MICAL1: variants seen among roughly 807,000 people sequenced by gnomAD.
MICAL1 encodes microtubule associated monooxygenase, calponin and LIM domain containing 1.
MICAL1 carries 95 observed loss-of-function variants against 131.8 expected under a neutral mutation model. The observed-to-expected ratio is 0.72, with a 90% CI of 0.61 to 0.86. The LOEUF (loss-of-function observed/expected upper bound fraction) is 0.86. Among genes scored for constraint, MICAL1 ranks in the 40% least tolerant of loss-of-function variants. The probability of loss-of-function intolerance (pLI) is 0.00; values close to 1 mark genes in which losing one functional copy is unlikely to be tolerated. For missense variants in MICAL1, 1,292 were observed against 1,380.6 expected (o/e 0.94, Z 1.02); for synonymous variants, 546 against 554.2 (o/e 0.99, Z 0.21).
intron 3 of MICAL1, 87 bp downstream of exon 3, chr6:109,453,551 C>T (rs751418958): frequency 2.2e-5 from 34 of 1,520,206 alleles, no homozygotes; most frequent in African/African-American, 4.1e-5. Flanking sequence ...TTGTCCACTT[C>T]GACATTTGGC....
Position 109,446,774 on chromosome 6 carries a change from T to C in MICAL1, c.2228-2A>G. The stretch of plus-strand genomic sequence containing the variant: ...GGTGCTGGAGGCAGTAGAAATGTCC[T>C]GGAAAGGGTAGAGAGGGGAGGAGGC... On this transcript the variant is annotated splice_acceptor_variant, in intron 17 of 24. Transcript: ENST00000358807. LOFTEE classifies it high-confidence loss of function. 1 of 1,613,094 alleles carries C rather than the reference T, an allele frequency of 6.2e-7. No homozygotes were observed. The highest frequency in any genetic ancestry group is 8.5e-7 in the Non-Finnish European group (1 of 1,179,714).
exon 1 of MICAL1, chr6:109,465,919 C>T: frequency 6.2e-7 from 1 of 1,614,120 alleles, no homozygotes; most frequent in Non-Finnish European, 8.5e-7. Flanking sequence ...GGACCAGGCT[C>T]CTGTGTCAGC....
At chr6:109,460,034 G>A (rs1775846195), upstream of MICAL1, among the ~76,000 whole-genome samples, 2 of 152,112 alleles carry the variant, frequency 1.3e-5, no homozygotes, top group South Asian at 4.1e-4. Flanking sequence ...TCTCTATCCT[G>A]ACCCCTGCTC....
At chr6:109,446,623 G>T in intron 18 of MICAL1, 73 bp downstream of exon 18, 1 of 1,515,758 alleles carries the variant, frequency 6.6e-7, no homozygotes, top group Non-Finnish European at 9.1e-7. Context: ...GTTACCCCCA[G>T]CAAAGCGCTG....
chr6:109,455,869 T>C, upstream of MICAL1: 1 of 984,756 alleles, frequency 1.0e-6, no homozygotes, highest in Non-Finnish European at 1.2e-6. This position sits in a 1 kb window ranked among gnomAD's most constrained non-coding sequence, Gnocchi z 4.7. Flanking sequence ...GCGCCTGGAG[T>C]CGCGCGGAGT....
In MICAL1 at chr6:109,445,780, A is replaced by G. The variant is rs1009745396; in HGVS notation, c.2664T>C (p.Asp888=). Residue 888 remains aspartate (D), a synonymous_variant, in exon 20 of 25, where the codon GAT becomes GAC. Transcript: ENST00000358807. ...EEEEDVPLDS[D]VEQALQTFAK... ...ACGCTGGCCCACTCACCTGTTCCAC[A>G]TCTGAGTCCAAAGGCACATCTTCTT... The G allele has an allele frequency of 1.2e-6, 2 of 1,611,312 alleles. No individual in the cohort carries two copies. Among genetic ancestry groups the G allele is most frequent in the African/African-American group, 1.3e-5 (1 of 75,004 alleles).
chr6:109,451,002 ACT>A (rs1775516824), intron 7 of MICAL1, among the ~76,000 whole-genome samples: 2 of 152,244 alleles, frequency 1.3e-5, no homozygotes, highest in South Asian at 2.1e-4. Context: ...TGTATTTGGC[ACT>A]GTTCCAGGTA....
intron 5 of MICAL1, 45 bp from the exon 6 acceptor site, chr6:109,452,446 A>G (rs368933696): frequency 6.8e-6 from 11 of 1,611,326 alleles, no homozygotes; most frequent in Admixed American, 1.7e-5. Context: ...AGGGGGTTAT[A>G]ACAATCTAGA....
chr6:109,451,615 C>A lies in MICAL1; in HGVS notation c.918G>T (p.Leu306=). The A allele has an allele frequency of 6.2e-7, 1 of 1,614,028 alleles. No individual in the cohort carries two copies. The highest frequency in any genetic ancestry group is 2.2e-5 in the East Asian group (1 of 44,888). ...TGGGCCTCACCTGGCGCAGCACCCC[C>A]AGCCGCAGCAGGCACTGCTTCTTGG... ...MTAKKQCLLR[L]GVLRQDWPDT... The change falls in exon 7 of 25, where the codon CTG becomes CTT. Residue 306 remains leucine, a synonymous_variant. Coordinates refer to ENST00000358807, the MANE Select transcript of MICAL1 (RefSeq NM_022765.4).
At chr6:109,465,354 C>A in intron 1 of MICAL1, 1 of 384,928 alleles carries the variant, frequency 2.6e-6, no homozygotes, top group Non-Finnish European at 4.7e-6. Context: ...GCAAATTCCC[C>A]ATACATTGTG....
chr6:109,453,543 G>A (rs1284231106), intron 3 of MICAL1, 95 bp downstream of exon 3: 1 of 1,517,042 alleles, frequency 6.6e-7, no homozygotes, highest in Non-Finnish European at 8.9e-7. Context: ...TACGGATCTT[G>A]TCCACTTCGA....
intron 24 of MICAL1, 151 bp downstream of exon 24, chr6:109,444,574 G>C (rs1452950636): frequency 1.9e-6 from 2 of 1,041,844 alleles, no homozygotes; most frequent in African/African-American, 1.6e-5. Context: ...GAAGTGAGAA[G>C]GGGCTTTGGA....
rs1201407787 is a variant in MICAL1 at position 109,453,259 on chromosome 6, T to C, written c.571+4A>G. 6 of 1,611,218 alleles carry C rather than the reference T, an allele frequency of 3.7e-6. No individual in the cohort carries two copies. Among genetic ancestry groups the C allele is most frequent in the Admixed American group, 1.7e-5 (1 of 59,984 alleles). On this transcript the variant is annotated splice_donor_region_variant and intron_variant, in intron 4 of 24. Coordinates refer to ENST00000358807, the MANE Select transcript of MICAL1 (RefSeq NM_022765.4). ...GAGATTCCAGGGAGCATAGAAATAC[T>C]TACCCTTCCTAGGAGGGGGCTGGAG...
At chr6:109,446,799 C>T (rs757135309) in intron 17 of MICAL1, 27 bp from the exon 18 acceptor site, 1 of 1,604,062 alleles carries the variant, frequency 6.2e-7, no homozygotes, top group Non-Finnish European at 8.5e-7. Flanking sequence ...GGGGAGGAGG[C>T]ATTTGGTGTG....
At position 109,447,353 on chromosome 6, in the gene MICAL1, T is replaced by C; in HGVS notation, c.2070+4A>G. On this transcript the variant is annotated splice_donor_region_variant and intron_variant, in intron 16 of 24. Transcript: ENST00000358807. ...TCTGCCTGCACACAAAGCCTGGCTCTCACCTCCTGGTGTTGGGATGGGGGT... is the reference window on the plus strand; with the variant it reads ...TCTGCCTGCACACAAAGCCTGGCTCCCACCTCCTGGTGTTGGGATGGGGGT... 1 of 1,613,604 alleles carries C rather than the reference T, an allele frequency of 6.2e-7. No individual in the cohort carries two copies.
At position 109,447,211 on chromosome 6, in the gene MICAL1, A is replaced by T; in HGVS notation, c.2089T>A (p.Cys697Ser). The T allele has an allele frequency of 1.2e-6, 2 of 1,614,074 alleles. No individual in the cohort carries two copies. Among genetic ancestry groups the T allele is most frequent in the Non-Finnish European group, 1.7e-6 (2 of 1,179,938 alleles). ...QHQEAGAGDL[C>S]ALCGEHLYVL... is the part of the protein sequence containing the mutation. ...TAGAGGTGTTCCCCACAAAGTGCAC[A>T]CAGGTCCCCAGCACCGGCCTGCGTG... The change falls in exon 17 of 25, where the codon TGT (cysteine) becomes AGT (serine). Residue 697 changes from cysteine to serine, a missense_variant. Transcript: ENST00000358807.
At position 109,455,456 on chromosome 6, in the gene MICAL1, A is replaced by G. The variant is rs1775708913; in HGVS notation, c.-44+263T>C. Among the ~76,000 whole-genome samples, 1 of 152,174 alleles carries G rather than the reference A, an allele frequency of 6.6e-6. No homozygotes were observed. Among genetic ancestry groups the G allele is most frequent in the South Asian group, 2.1e-4 (1 of 4,834 alleles). ...GGGAGAAAGGAGCGACCCAGCCTGG[A>G]AACGCCAGGACAAAGGCTGTGAGAG... On this transcript the variant is annotated intron_variant, in intron 1 of 24. Transcript: ENST00000358807. This position sits in a 1 kb window ranked among gnomAD's most constrained non-coding sequence, Gnocchi z 4.7.
At chr6:109,458,544 T>G (rs1297269386), upstream of MICAL1, among the ~76,000 whole-genome samples, 1 of 152,042 alleles carries the variant, frequency 6.6e-6, no homozygotes, top group African/African-American at 2.4e-5. Context: ...TGCGGTAAGC[T>G]GAGATCGTTC....
At chr6:109,457,242 T>C (rs773207438), upstream of MICAL1, among the ~76,000 whole-genome samples, 20 of 152,194 alleles carry the variant, frequency 1.3e-4, no homozygotes, top group Non-Finnish European at 2.2e-4. Flanking sequence ...CTCAGAAAAC[T>C]AGGGCAGCCT....
Sources: allele counts gnomAD v4.1 joint callset (sites outside exome capture counted in the v4.1 genomes callset), GRCh38; gene constraint gnomAD v4.1.1; non-coding constraint Gnocchi (gnomAD v3.1); transcripts MANE v1.5; gene names NCBI Gene and HGNC (gene_info 2026-07-23, HGNC 2026-07-21).